Variants in IQSEC1 observed in about 807,000 individuals in gnomAD.
The protein encoded by IQSEC1 is IQ motif and SEC7 domain-containing protein 1.
In IQSEC1, 31 loss-of-function variants were observed where a neutral mutation model predicts 91.0. That is an observed-to-expected ratio of 0.34 (90% CI 0.26 to 0.46). IQSEC1 has a LOEUF of 0.46. IQSEC1 is among the 20% of genes least tolerant of loss of function. The pLI, the probability that IQSEC1 is intolerant of heterozygous loss-of-function variation, is 1.00. For synonymous variants in IQSEC1, 699 were observed against 662.6 expected, an observed-to-expected ratio of 1.05 and a Z score of -0.84; for missense variants, 1,388 against 1,575.6, an observed-to-expected ratio of 0.88 and a Z score of 2.02.
At chr3:13,242,408 G>C (rs149338279) in intron 1 of IQSEC1, among the ~76,000 whole-genome samples, 1 of 152,314 alleles carries the variant, frequency 6.6e-6, no homozygotes, top group Non-Finnish European at 1.5e-5. Context: ...GTACCCCCAA[G>C]AGCAAGGTGG....
intron 3 of IQSEC1, among the ~76,000 whole-genome samples, chr3:12,925,294 C>T (rs1020357885): frequency 4.6e-5 from 7 of 152,206 alleles, no homozygotes; most frequent in African/African-American, 1.2e-4. Context: ...ACCACAGCAC[C>T]GGCGGGGAGA....
intron 1 of IQSEC1, among the ~76,000 whole-genome samples, chr3:12,986,773 G>T (rs1701757261): frequency 6.6e-6 from 1 of 152,198 alleles, no homozygotes; most frequent in African/African-American, 2.4e-5. Flanking sequence ...AGGCTGGCAG[G>T]GTGCCTGTGC....
At chr3:13,278,225 G>A (rs973280468) in intron 1 of IQSEC1, among the ~76,000 whole-genome samples, 4 of 152,056 alleles carry the variant, frequency 2.6e-5, no homozygotes, top group African/African-American at 9.7e-5. Flanking sequence ...ACCAGAAAGC[G>A]AGGCAGGCCA....
chr3:13,060,349 C>G (rs1271284617), intron 1 of IQSEC1, among the ~76,000 whole-genome samples: 1 of 152,142 alleles, frequency 6.6e-6, no homozygotes, highest in African/African-American at 2.4e-5. Flanking sequence ...CTGAAGAGGG[C>G]AGGCAATGGC....
At chr3:13,019,197 T>A (rs1287305278) in intron 1 of IQSEC1, among the ~76,000 whole-genome samples, 1 of 152,180 alleles carries the variant, frequency 6.6e-6, no homozygotes, top group Non-Finnish European at 1.5e-5. Flanking sequence ...AGCTGTTCTG[T>A]CCAGGATACA....
chr3:13,109,347 C>T (rs1429875668), intron 2 of IQSEC1, among the ~76,000 whole-genome samples: 1 of 152,070 alleles, frequency 6.6e-6, no homozygotes, highest in African/African-American at 2.4e-5. Context: ...ATACAAATAC[C>T]AGCCAATCTG....
intron 2 of IQSEC1, among the ~76,000 whole-genome samples, chr3:13,104,636 C>T (rs1435209300): frequency 6.6e-6 from 1 of 152,202 alleles, no homozygotes; most frequent in Non-Finnish European, 1.5e-5. Flanking sequence ...CCCTCCCCCA[C>T]CTCTCCCCCT....
intron 1 of IQSEC1, among the ~76,000 whole-genome samples, chr3:12,966,657 A>C (rs550546338): frequency 6.6e-6 from 1 of 152,210 alleles, no homozygotes; most frequent in South Asian, 2.1e-4. Flanking sequence ...TCCATCCCTG[A>C]CCACACCAGG....
chr3:13,130,316 C>A (rs1706589586), intron 2 of IQSEC1, among the ~76,000 whole-genome samples: 1 of 143,952 alleles, frequency 6.9e-6, no homozygotes, highest in African/African-American at 2.6e-5. Context: ...TGCACTGCAG[C>A]CTGGGCGACA....
chr3:13,091,393 C>T (rs1479951470), intron 2 of IQSEC1, among the ~76,000 whole-genome samples: 2 of 152,342 alleles, frequency 1.3e-5, no homozygotes, highest in Non-Finnish European at 2.9e-5. Context: ...AAATATTTGC[C>T]GAATGAATGA....
chr3:12,913,150 C>T (rs942220261), intron 9 of IQSEC1, among the ~76,000 whole-genome samples: 3 of 152,226 alleles, frequency 2.0e-5, no homozygotes, highest in African/African-American at 4.8e-5. Flanking sequence ...CCCGAGGAAG[C>T]GTCACACAAG....
At position 12,924,631 on chromosome 3, in the gene IQSEC1, G is replaced by A. The variant is rs769990776; in HGVS notation, c.1680C>T (p.Ile560=). 4.1e-5 allele frequency: 66 copies of A among 1,611,008 alleles called. 1 individual carries two copies. Among genetic ancestry groups the A allele is most frequent in the Non-Finnish European group, 5.0e-5 (59 of 1,178,530 alleles). ...TCTGCCGGTTGCCCAGGAACTCGCC[G>A]ATCATCTGCCGGCTGAGGCCCTTGC... ...LQRKGLSRQM[I]GEFLGNRQKQ... The change falls in exon 4 of 14, where the codon ATC becomes ATT. Residue 560 remains isoleucine (I), a synonymous_variant. Coordinates refer to ENST00000613206, the MANE Select transcript of IQSEC1 (RefSeq NM_001134382.3). The surrounding 1 kb of genome is among the most constrained non-coding windows in gnomAD (Gnocchi z 6.3).
chr3:13,068,211 T>C (rs929663018), intron 1 of IQSEC1, among the ~76,000 whole-genome samples: 2 of 152,240 alleles, frequency 1.3e-5, no homozygotes, highest in Admixed American at 1.3e-4. Context: ...ATGTCGGACC[T>C]GTCCTTCACG....
At chr3:13,180,082 C>G (rs1693811395) in intron 1 of IQSEC1, among the ~76,000 whole-genome samples, 1 of 144,972 alleles carries the variant, frequency 6.9e-6, no homozygotes, top group Non-Finnish European at 1.5e-5. Flanking sequence ...CATCCACCAC[C>G]CAAGGGCTGA....
At chr3:13,183,174 TAAACAAAC>T (rs60302548) in intron 1 of IQSEC1, among the ~76,000 whole-genome samples, 4,072 of 143,666 alleles carry the variant, frequency 0.028, 69 homozygotes, top group African/African-American at 0.045. Context: ...CACCAATAAA[TAAACAAAC>T]AAACAAACAA....
chr3:12,948,799 G>T (rs2125405808), intron 1 of IQSEC1, among the ~76,000 whole-genome samples: 1 of 152,316 alleles, frequency 6.6e-6, no homozygotes, highest in East Asian at 1.9e-4. Context: ...TCAATACCCT[G>T]CAGGCACGGA....
At chr3:13,043,212 A>G (rs1203384803) in intron 1 of IQSEC1, among the ~76,000 whole-genome samples, 1 of 152,192 alleles carries the variant, frequency 6.6e-6, no homozygotes, top group Non-Finnish European at 1.5e-5. Flanking sequence ...TGTTGGGCAG[A>G]GGGACCCCAG....
At chr3:13,177,010 G>A (rs1343399297) in intron 1 of IQSEC1, among the ~76,000 whole-genome samples, 1 of 152,214 alleles carries the variant, frequency 6.6e-6, no homozygotes, top group Non-Finnish European at 1.5e-5. Flanking sequence ...TGAAACTATA[G>A]AGACAGGCAG....
rs1167726940 is a variant in IQSEC1 at position 13,259,695 on chromosome 3, C to G, written c.272+23016G>C. 1.3e-5 allele frequency among the ~76,000 whole-genome samples: 2 copies of G among 152,228 alleles called. No individual in the cohort carries two copies. Among genetic ancestry groups the G allele is most frequent in the Non-Finnish European group, 1.5e-5 (1 of 68,048 alleles). On this transcript the variant is annotated intron_variant, in intron 1 of 15. Coordinates refer to the IQSEC1 transcript ENST00000648114. The surrounding 1 kb of genome is among the most constrained non-coding windows in gnomAD (Gnocchi z 4.6). ...CTCCTTGGGTCCATGGGGTCTCCCA[C>G]AAACCTCCTTTCTTCCTGCCCTCCC...
Sources: gnomAD v4.1 joint callset for allele counts (sites outside exome capture counted in the v4.1 genomes callset) on GRCh38, gnomAD v4.1.1 for gene constraint, Gnocchi (gnomAD v3.1) non-coding constraint, MANE v1.5 for transcripts, NCBI Gene and HGNC (gene_info 2026-07-23, HGNC 2026-07-21) for gene names.